The following PRKG1 variants were observed in gnomAD, a reference collection of about 807,000 sequenced individuals.
PRKG1 encodes protein kinase cGMP-dependent 1.
A neutral mutation model predicts 88.1 loss-of-function variants in PRKG1; 35 were observed. The ratio of observed to expected loss-of-function variants is 0.40; its 90% CI spans 0.30 to 0.53. The LOEUF is 0.53. PRKG1 is among the 20% of genes least tolerant of loss of function. PRKG1 has a pLI of 0.59. For missense variants in PRKG1, 540 were observed against 839.8 expected, an observed-to-expected ratio of 0.64 and a Z score of 4.41; for synonymous variants, 303 against 292.5, an observed-to-expected ratio of 1.04 and a Z score of -0.37.
At chr10:52,134,946 A>G (rs1479981635) in intron 8 of PRKG1, among the ~76,000 whole-genome samples, 2 of 152,098 alleles carry the variant, frequency 1.3e-5, no homozygotes, top group African/African-American at 2.4e-5. Context: ...CCCAAAAACA[A>G]TAATTACCAA....
chr10:51,224,517 G>T (rs1449309212), intron 2 of PRKG1, among the ~76,000 whole-genome samples: 1 of 152,146 alleles, frequency 6.6e-6, no homozygotes, highest in Admixed American at 6.6e-5. Context: ...TTCCCAGGTG[G>T]CACAATATTT....
rs369009129 is a variant in PRKG1, at chr10:51,694,704, TTTTA to T, written c.593-109877_593-109874del. Among the ~76,000 whole-genome samples the T allele has an allele frequency of 1.5e-3, 232 of 152,262 alleles. 1 individual carries two copies. Among genetic ancestry groups the T allele is most frequent in the African/African-American group, 5.4e-3 (223 of 41,556 alleles). On this transcript the variant is annotated intron_variant, in intron 3 of 17. Transcript: ENST00000373980. ...ACTATTATGATGAATGAATTGGTGA[TTTTA>T]TTTTAGTCTACACATCCTAGGGAAA... is the stretch of plus-strand genomic sequence containing the variant.
chr10:51,979,999 G>A lies in PRKG1; in HGVS notation c.762+72429G>A, dbSNP rs776240109. Among the ~76,000 whole-genome samples the A allele has an allele frequency of 6.1e-4, 92 of 152,030 alleles. 1 individual carries two copies. The highest frequency in any genetic ancestry group is 1.3e-3 in the Admixed American group (20 of 15,274). Reference sequence around the variant, plus strand: ...TCTCCATCAATTCAGTCCTGATTTTGATTATTTCTTGTCTTCTGCTGGCTT... The same window carrying A: ...TCTCCATCAATTCAGTCCTGATTTTAATTATTTCTTGTCTTCTGCTGGCTT... On this transcript the variant is annotated intron_variant, in intron 5 of 17. Coordinates refer to ENST00000373980, the MANE Select transcript of PRKG1 (RefSeq NM_006258.4).
chr10:52,133,516 T>C (rs1204827616), intron 7 of PRKG1, among the ~76,000 whole-genome samples: 1 of 152,166 alleles, frequency 6.6e-6, no homozygotes, highest in Non-Finnish European at 1.5e-5. Context: ...TGCATATTTA[T>C]GTTTGTTACT....
At chr10:51,681,767 A>C (rs942192145) in intron 3 of PRKG1, among the ~76,000 whole-genome samples, 2 of 152,166 alleles carry the variant, frequency 1.3e-5, no homozygotes, top group African/African-American at 4.8e-5. Context: ...AAACACAAAG[A>C]TAGTAGATGA....
intron 1 of PRKG1, among the ~76,000 whole-genome samples, chr10:51,025,445 C>A (rs1417868327): frequency 6.7e-6 from 1 of 149,186 alleles, no homozygotes; most frequent in African/African-American, 2.4e-5. Context: ...ACATCCAGAG[C>A]TGACTCTTTC....
intron 3 of PRKG1, among the ~76,000 whole-genome samples, chr10:51,755,578 T>C (rs1409183433): frequency 3.9e-5 from 6 of 152,328 alleles, no homozygotes; most frequent in African/African-American, 1.4e-4. Flanking sequence ...CTGATTAGAT[T>C]TATACTTACT....
chr10:51,865,686 C>T (rs938629945), intron 4 of PRKG1, among the ~76,000 whole-genome samples: 3 of 151,964 alleles, frequency 2.0e-5, no homozygotes, highest in Non-Finnish European at 4.4e-5. Flanking sequence ...CTTGGATACA[C>T]CCTCTCACTA....
At chr10:51,511,241 G>A (rs1261783003) in intron 3 of PRKG1, among the ~76,000 whole-genome samples, 2 of 152,070 alleles carry the variant, frequency 1.3e-5, no homozygotes, top group Admixed American at 6.6e-5. Flanking sequence ...AGGCCTGAAT[G>A]CATCATCAAA....
intron 3 of PRKG1, among the ~76,000 whole-genome samples, chr10:51,637,946 G>T (rs1289422031): frequency 6.6e-6 from 1 of 152,134 alleles, no homozygotes; most frequent in Non-Finnish European, 1.5e-5. Flanking sequence ...AAGACAAAAA[G>T]TGATTGTCAG....
At position 51,996,724 on chromosome 10, in the gene PRKG1, G is replaced by A. The variant is rs539799699; in HGVS notation, c.763-57760G>A. Among the ~76,000 whole-genome samples the A allele has an allele frequency of 5.3e-5, 8 of 152,176 alleles. No homozygotes were observed. The South Asian group carries it at 1.7e-3, about 32-fold the overall frequency. On this transcript the variant is annotated intron_variant, in intron 5 of 17. Transcript: ENST00000373980. Reference sequence around the variant, plus strand: ...TACATCCATTGTGAAAAAAAGTATGGAAGTTCCTCAAAAAATTAGAAATGG... The same window carrying A: ...TACATCCATTGTGAAAAAAAGTATGAAAGTTCCTCAAAAAATTAGAAATGG...
intron 1 of PRKG1, among the ~76,000 whole-genome samples, chr10:51,017,906 T>C (rs1322245998): frequency 6.6e-6 from 1 of 152,086 alleles, no homozygotes; most frequent in Admixed American, 6.6e-5. Context: ...TCAAGTGATC[T>C]TCCCACCTCA....
chr10:51,199,134 A>G (rs752081366), intron 2 of PRKG1, among the ~76,000 whole-genome samples: 3 of 152,228 alleles, frequency 2.0e-5, no homozygotes, highest in Non-Finnish European at 2.9e-5. Context: ...ACTATTTGCC[A>G]TAGAACCAAT....
chr10:51,021,502 C>T (rs965468200), intron 1 of PRKG1, among the ~76,000 whole-genome samples: 2 of 152,156 alleles, frequency 1.3e-5, no homozygotes, highest in Non-Finnish European at 2.9e-5. Flanking sequence ...GTTAATAATT[C>T]TGACCCATTT....
intron 3 of PRKG1, among the ~76,000 whole-genome samples, chr10:51,494,790 G>A (rs1264333740): frequency 1.1e-4 from 17 of 152,112 alleles, no homozygotes; most frequent in Non-Finnish European, 2.2e-4. Context: ...TTGTGACTTC[G>A]AAAATTTACA....
At chr10:51,861,482 G>A (rs939919925) in intron 4 of PRKG1, among the ~76,000 whole-genome samples, 1 of 151,954 alleles carries the variant, frequency 6.6e-6, no homozygotes, top group Admixed American at 6.6e-5. Context: ...AAATACCCGG[G>A]TCTATTACAT....
intron 5 of PRKG1, among the ~76,000 whole-genome samples, chr10:52,001,492 C>T (rs1243860370): frequency 1.3e-5 from 2 of 151,780 alleles, no homozygotes; most frequent in Admixed American, 6.6e-5. Flanking sequence ...CTTTTTTTGT[C>T]AGTCATACCT....
At chr10:52,119,628 T>C (rs1847767992) in intron 7 of PRKG1, among the ~76,000 whole-genome samples, 1 of 152,018 alleles carries the variant, frequency 6.6e-6, no homozygotes, top group Non-Finnish European at 1.5e-5. Context: ...GAATGAAGAG[T>C]ACCAAGAAAA....
chr10:52,230,495 T>C (rs1312871756), intron 9 of PRKG1, among the ~76,000 whole-genome samples: 3 of 152,198 alleles, frequency 2.0e-5, no homozygotes, highest in Admixed American at 6.5e-5. Flanking sequence ...CATTAAACAG[T>C]TGAAGAAAAC....
Sources: allele counts gnomAD v4.1 joint callset (sites outside exome capture counted in the v4.1 genomes callset), GRCh38; gene constraint gnomAD v4.1.1; transcripts MANE v1.5; gene names NCBI Gene and HGNC (gene_info 2026-07-23, HGNC 2026-07-21).